Variants in GPC4 observed in about 807,000 individuals in gnomAD.
GPC4 encodes glypican 4, also known as glypican-4.
GPC4 carries 10 observed loss-of-function variants against 35.0 expected under a neutral mutation model. That is an observed-to-expected ratio of 0.29 (90% CI 0.18 to 0.48). The LOEUF (loss-of-function observed/expected upper bound fraction) is 0.48. GPC4 is among the 20% of genes least tolerant of loss of function. The pLI, the probability that GPC4 is intolerant of heterozygous loss-of-function variation, is 0.99. For synonymous variants in GPC4, 167 were observed against 170.2 expected (o/e 0.98, Z 0.15); for missense variants, 322 against 451.3 (o/e 0.71, Z 2.60).
At chrX:133,401,721 G>A (rs774313529) in intron 1 of GPC4, among the ~76,000 whole-genome samples, 2 of 111,242 alleles carry the variant, frequency 1.8e-5, no homozygotes, top group South Asian at 3.8e-4. Flanking sequence ...ATCTGAGAGG[G>A]CAGAAAGAAA....
intron 1 of GPC4, among the ~76,000 whole-genome samples, chrX:133,391,229 A>T (rs1314641000): frequency 8.9e-6 from 1 of 112,001 alleles, no homozygotes; most frequent in Non-Finnish European, 1.9e-5. Flanking sequence ...AATCCCTAAA[A>T]GGCCATGCAA....
intron 2 of GPC4, among the ~76,000 whole-genome samples, chrX:133,327,356 C>A (rs893854321): frequency 7.2e-5 from 8 of 111,613 alleles, no homozygotes; most frequent in Non-Finnish European, 9.4e-5. Context: ...TTTAAAACTT[C>A]TAATAAATGT....
chrX:133,398,741 C>A (rs1247632467), intron 1 of GPC4, among the ~76,000 whole-genome samples: 1 of 107,186 alleles, frequency 9.3e-6, no homozygotes, highest in Non-Finnish European at 1.9e-5. Context: ...GCACTTTAGC[C>A]TGGGTGACAG....
intron 1 of GPC4, among the ~76,000 whole-genome samples, chrX:133,343,298 C>T (rs2068474828): frequency 9.0e-6 from 1 of 111,720 alleles, no homozygotes; most frequent in Non-Finnish European, 1.9e-5. Context: ...CTAATTCAAT[C>T]TCCTGCTTCC....
In GPC4 at chrX:133,301,330, CAGAATTTT is replaced by C. The variant is rs2124100290; in HGVS notation, c.*1529_*1536del. The C allele has an allele frequency of 8.9e-6, 1 of 112,866 alleles. No individual in the cohort carries two copies. Among genetic ancestry groups the C allele is most frequent in the South Asian group, 3.6e-4 (1 of 2,751 alleles). The allele number at this position is 112,866 out of a possible 1,213,427, so 9.3% of individuals were successfully genotyped here. ...AATGGCTGTCTAAAGCAGGAAGAGA[CAGAATTTT>C]AGTCTTTCTGAAGACTTCTGGGAAC... On this transcript the variant is annotated 3_prime_UTR_variant, in exon 9 of 9. Transcript: ENST00000370828.
intron 6 of GPC4, 46 bp from the exon 7 acceptor site, chrX:133,304,907 G>C: frequency 1.7e-6 from 2 of 1,159,996 alleles, no homozygotes; most frequent in Non-Finnish European, 2.4e-6. Context: ...TGTAAGACAA[G>C]ACAAAACTAC....
chrX:133,389,066 C>T (rs1029183390), intron 1 of GPC4, among the ~76,000 whole-genome samples: 1 of 107,885 alleles, frequency 9.3e-6, no homozygotes, highest in African/African-American at 3.4e-5. Context: ...AAGCCATCCT[C>T]CCACCTCAGC....
rs761210187 is a variant in GPC4, at chrX:133,307,789, TAAC to T, written c.878-1638_878-1636del. ...AACATCTAAAATGCAGACGTTTAAA[TAAC>T]AACAACAACAACAACAACAAAACCC... On this transcript the variant is annotated intron_variant, in intron 4 of 8. Coordinates refer to ENST00000370828, the MANE Select transcript of GPC4 (RefSeq NM_001448.3). Among the ~76,000 whole-genome samples, 14 of 111,675 alleles carry T rather than the reference TAAC, an allele frequency of 1.3e-4. 1 individual carries two copies. Among genetic ancestry groups the T allele is most frequent in the Admixed American group, 1.9e-4 (2 of 10,563 alleles).
At chrX:133,412,794 C>T (rs1464025708) in intron 1 of GPC4, among the ~76,000 whole-genome samples, 1 of 111,678 alleles carries the variant, frequency 9.0e-6, no homozygotes, top group Non-Finnish European at 1.9e-5. Context: ...TTCAAGCTTC[C>T]TTTTTCCTGA....
intron 1 of GPC4, among the ~76,000 whole-genome samples, chrX:133,385,123 T>G (rs1249772158): frequency 2.7e-5 from 3 of 112,315 alleles, no homozygotes; most frequent in African/African-American, 9.7e-5. Flanking sequence ...GTGAATAAAG[T>G]AAGTATATTT....
intron 1 of GPC4, among the ~76,000 whole-genome samples, chrX:133,411,956 G>A (rs1461062575): frequency 9.0e-6 from 1 of 111,335 alleles, no homozygotes; most frequent in Non-Finnish European, 1.9e-5. Flanking sequence ...GACTCCTCCA[G>A]AACATGGAGT....
chrX:133,368,527 C>G (rs1222955318), intron 1 of GPC4, among the ~76,000 whole-genome samples: 4 of 111,690 alleles, frequency 3.6e-5, no homozygotes, highest in African/African-American at 1.3e-4. Context: ...CATGACATAT[C>G]ATCTAAAAAT....
At chrX:133,332,237 T>C (rs1177830094) in intron 2 of GPC4, among the ~76,000 whole-genome samples, 1 of 111,648 alleles carries the variant, frequency 9.0e-6, no homozygotes, top group Non-Finnish European at 1.9e-5. Flanking sequence ...ATAAATATAA[T>C]CCCCACTGCT....
intron 1 of GPC4, among the ~76,000 whole-genome samples, chrX:133,347,274 T>G (rs1254018046): frequency 2.2e-4 from 21 of 96,417 alleles, no homozygotes; most frequent in African/African-American, 6.2e-4. Context: ...TTTTTTTTTT[T>G]TTTTTTAAGA....
chrX:133,407,443 T>C (rs2068793860), intron 1 of GPC4, among the ~76,000 whole-genome samples: 3 of 112,068 alleles, frequency 2.7e-5, no homozygotes, highest in Admixed American at 1.9e-4. Flanking sequence ...ATTTTCTGAA[T>C]ATTCTTTGCC....
At chrX:133,338,734 C>T (rs1039581982) in intron 2 of GPC4, among the ~76,000 whole-genome samples, 4 of 111,427 alleles carry the variant, frequency 3.6e-5, no homozygotes, top group African/African-American at 6.5e-5. Context: ...TTTAATCCTG[C>T]CTGTGTTCTG....
At chrX:133,307,297 A>G (rs1159500357) in intron 4 of GPC4, among the ~76,000 whole-genome samples, 1 of 112,020 alleles carries the variant, frequency 8.9e-6, no homozygotes, top group African/African-American at 3.2e-5. Flanking sequence ...TAAGCTTTCT[A>G]GTGGAAAGCA....
chrX:133,338,617 G>C (rs1384849516), intron 2 of GPC4, among the ~76,000 whole-genome samples: 1 of 111,583 alleles, frequency 9.0e-6, no homozygotes, highest in Non-Finnish European at 1.9e-5. Context: ...TACATGGAAA[G>C]ACTATGCCAG....
chrX:133,383,401 G>C (rs947161167), intron 1 of GPC4, among the ~76,000 whole-genome samples: 4 of 111,359 alleles, frequency 3.6e-5, no homozygotes, highest in African/African-American at 6.5e-5. Context: ...AAAAAGATGA[G>C]TGGTTGCCAG....
Sources: allele counts gnomAD v4.1 joint callset (sites outside exome capture counted in the v4.1 genomes callset), GRCh38; gene constraint gnomAD v4.1.1; transcripts MANE v1.5; gene names NCBI Gene and HGNC (gene_info 2026-07-23, HGNC 2026-07-21).